Variants in TTLL11 observed in about 807,000 individuals in gnomAD.
The protein encoded by TTLL11 is tubulin polyglutamylase TTLL11.
Under a neutral mutation model 51.7 loss-of-function variants are expected in TTLL11, and 42 were observed. The observed-to-expected ratio is 0.81, with a 90% CI of 0.64 to 1.05. The LOEUF is 1.05. Ranked by LOEUF, TTLL11 falls within the 50% of genes least tolerant of loss-of-function variation. The pLI is 0.00. For missense variants in TTLL11, 799 were observed against 940.4 expected (o/e 0.85, Z 1.97); for synonymous variants, 381 against 383.5 (o/e 0.99, Z 0.08).
chr9:122,012,184 T>G (rs1843812900), intron 3 of TTLL11, among the ~76,000 whole-genome samples: 1 of 152,216 alleles, frequency 6.6e-6, no homozygotes, highest in African/African-American at 2.4e-5. Context: ...AATTTCCTTT[T>G]GAAATAGGCA....
chr9:121,957,472 C>A (rs770522032), intron 6 of TTLL11, among the ~76,000 whole-genome samples: 4 of 152,340 alleles, frequency 2.6e-5, no homozygotes, highest in East Asian at 3.9e-4. Context: ...GCTGAGCACA[C>A]CCAGGGTAAC....
chr9:122,031,737 G>T lies in TTLL11; in HGVS notation c.679C>A (p.Leu227Ile), dbSNP rs775072348. ...GTGCCATCTACCTGAGCAACAAAGA[G>T]CTGGAACTCGTCAGGCAGAATCCAT... ...RSWILPDEFQ[L>I]FVAQVQMVKD... The change falls in exon 3 of 9, where the codon CTC (leucine) becomes ATC (isoleucine). Residue 227 changes from leucine to isoleucine, a missense_variant. By Grantham distance (5) the Leu-to-Ile change is conservative. Transcript: ENST00000321582. 2.5e-6 allele frequency: 4 copies of T among 1,612,700 alleles called. No homozygotes were observed. The highest frequency in any genetic ancestry group is 2.2e-5 in the East Asian group (1 of 44,866).
Position 121,875,814 on chromosome 9 carries a change from G to A in TTLL11, c.1482-5066C>T, listed in dbSNP as rs1330981894. ...CCTTTGGGATAATTTTTTTAAAACT[G>A]AATTTGTTATATCCTTGATTCATTA... is the stretch of plus-strand genomic sequence containing the variant. On this transcript the variant is annotated intron_variant, in intron 6 of 8. Transcript: ENST00000321582. Among the ~76,000 whole-genome samples the A allele has an allele frequency of 3.3e-5, 5 of 152,158 alleles. No individual in the cohort carries two copies. The East Asian group carries it at 7.7e-4, about 23-fold the overall frequency.
chr9:121,849,637 G>C (rs4339708), intron 8 of TTLL11, among the ~76,000 whole-genome samples: 1 of 152,046 alleles, frequency 6.6e-6, no homozygotes. Flanking sequence ...ACAAATAAGC[G>C]TATGTAAAGA....
At chr9:121,823,681 G>A (rs534157924) in intron 8 of TTLL11, among the ~76,000 whole-genome samples, 13 of 152,288 alleles carry the variant, frequency 8.5e-5, no homozygotes, top group Non-Finnish European at 1.6e-4. Context: ...GGGTGTGTGC[G>A]TTTGTCAAAA....
At chr9:121,990,930 G>A (rs542436509) in intron 3 of TTLL11, among the ~76,000 whole-genome samples, 4 of 152,296 alleles carry the variant, frequency 2.6e-5, no homozygotes, top group Admixed American at 1.3e-4. Flanking sequence ...CCTGATGCTG[G>A]TGAGGTGCTT....
rs779114427 is a variant in TTLL11, at chr9:122,092,957, G to A, written c.192C>T (p.Ala64=). 6.3e-7 allele frequency: 1 copy of A among 1,580,564 alleles called. No individual in the cohort carries two copies. The highest frequency in any genetic ancestry group is 2.3e-5 in the East Asian group (1 of 43,130). The change falls in exon 1 of 9, where the codon GCC becomes GCT. Residue 64 remains alanine, a synonymous_variant. Transcript: ENST00000321582. Reference sequence around the variant, plus strand: ...CCGCACTGGGCTGCGCCGGGGCCGGGGCCAGGACCTTGGGCTGCTCCTCCC... The same window carrying A: ...CCGCACTGGGCTGCGCCGGGGCCGGAGCCAGGACCTTGGGCTGCTCCTCCC... The part of the protein sequence containing the change: ...KAGEEQPKVL[A]PAPAQPSAAE...
chr9:121,825,361 C>T (rs984522598), intron 8 of TTLL11, among the ~76,000 whole-genome samples: 1 of 152,126 alleles, frequency 6.6e-6, no homozygotes, highest in African/African-American at 2.4e-5. Flanking sequence ...GTGTGGCTGG[C>T]TGACAGTGCC....
At chr9:121,955,008 C>T (rs1841977289) in intron 6 of TTLL11, among the ~76,000 whole-genome samples, 1 of 152,194 alleles carries the variant, frequency 6.6e-6, no homozygotes, top group South Asian at 2.1e-4. Flanking sequence ...AAGGCAGACA[C>T]TCAGCCCAAG....
Position 121,853,036 on chromosome 9 carries a change from C to A in TTLL11, c.1840+7301G>T, listed in dbSNP as rs910556806. On this transcript the variant is annotated intron_variant, in intron 8 of 8. Coordinates refer to ENST00000321582, the MANE Select transcript of TTLL11 (RefSeq NM_001139442.2). The surrounding 1 kb of genome is among the most constrained non-coding windows in gnomAD (Gnocchi z 5.6). ...AATACTCTTCAATATTTCAGTGCATCGTTAACCAAATACATTTCAGCTGGG... is the reference window on the plus strand; with the variant it reads ...AATACTCTTCAATATTTCAGTGCATAGTTAACCAAATACATTTCAGCTGGG... Among the ~76,000 whole-genome samples the A allele has an allele frequency of 1.3e-5, 2 of 152,178 alleles. No homozygotes were observed. Among genetic ancestry groups the A allele is most frequent in the African/African-American group, 2.4e-5 (1 of 41,438 alleles).
chr9:122,092,610 C>T (rs1846292436), intron 1 of TTLL11, 77 bp downstream of exon 1: 5 of 1,524,860 alleles, frequency 3.3e-6, no homozygotes, highest in South Asian at 1.2e-5. Context: ...CCGACCTGAC[C>T]TGGGCCGTGC....
intron 3 of TTLL11, among the ~76,000 whole-genome samples, chr9:122,005,335 T>C (rs1408558354): frequency 1.3e-5 from 2 of 152,156 alleles, no homozygotes; most frequent in East Asian, 3.9e-4. Context: ...TGACTTGCTA[T>C]GTGACTCAGC....
intron 6 of TTLL11, among the ~76,000 whole-genome samples, chr9:121,904,179 C>CTTT (rs200568154): frequency 7.0e-6 from 1 of 142,646 alleles, no homozygotes; most frequent in Admixed American, 7.0e-5. Flanking sequence ...TTGATACATT[C>CTTT]TTTTTTTTTT....
chr9:121,918,947 G>T (rs2131519826), intron 6 of TTLL11, among the ~76,000 whole-genome samples: 1 of 152,352 alleles, frequency 6.6e-6, no homozygotes, highest in South Asian at 2.1e-4. Flanking sequence ...AAACCAGTAT[G>T]ATGGTTACCC....
At chr9:121,841,977 C>T (rs1006662813) in intron 8 of TTLL11, among the ~76,000 whole-genome samples, 1 of 152,114 alleles carries the variant, frequency 6.6e-6, no homozygotes, top group Admixed American at 6.5e-5. Context: ...CCCAATTCTT[C>T]CAGCGAGATG....
intron 3 of TTLL11, among the ~76,000 whole-genome samples, chr9:122,026,094 G>T (rs1844326826): frequency 6.6e-6 from 1 of 152,136 alleles, no homozygotes. Flanking sequence ...TATCTTGACA[G>T]AAAGTGGATC....
At chr9:121,929,020 C>T (rs1840858879) in intron 6 of TTLL11, among the ~76,000 whole-genome samples, 1 of 152,154 alleles carries the variant, frequency 6.6e-6, no homozygotes, top group African/African-American at 2.4e-5. Context: ...AATCTTTAGC[C>T]TATCAGAGAC....
intron 5 of TTLL11, 53 bp from the exon 6 acceptor site, chr9:121,974,177 G>C (rs1277445215): frequency 2.1e-6 from 3 of 1,400,482 alleles, no homozygotes; most frequent in Non-Finnish European, 3.0e-6. Flanking sequence ...TCCGTGCCAA[G>C]TGGCTATCCA....
At chr9:122,006,567 C>T (rs1044729701) in intron 3 of TTLL11, among the ~76,000 whole-genome samples, 5 of 152,140 alleles carry the variant, frequency 3.3e-5, no homozygotes, top group African/African-American at 9.7e-5. Context: ...CAAATATTGT[C>T]TCACTTTTCT....
Sources: allele counts gnomAD v4.1 joint callset (sites outside exome capture counted in the v4.1 genomes callset), GRCh38; gene constraint gnomAD v4.1.1; non-coding constraint Gnocchi (gnomAD v3.1); transcripts MANE v1.5; gene names NCBI Gene and HGNC (gene_info 2026-07-23, HGNC 2026-07-21).